Variants in PTPN2 observed in about 807,000 individuals in gnomAD.
PTPN2 encodes tyrosine-protein phosphatase non-receptor type 2.
PTPN2 carries 19 observed loss-of-function variants against 57.3 expected under a neutral mutation model. The ratio of observed to expected loss-of-function variants is 0.33; its 90% CI spans 0.23 to 0.49. The LOEUF is 0.49. PTPN2 is among the 20% of genes least tolerant of loss of function. The pLI is 0.99. For missense variants in PTPN2, 358 were observed against 501.1 expected, an observed-to-expected ratio of 0.71 and a Z score of 2.73; for synonymous variants, 153 against 164.9, an observed-to-expected ratio of 0.93 and a Z score of 0.55.
At chr18:12,806,033 T>A (rs911784434) in intron 7 of PTPN2, among the ~76,000 whole-genome samples, 1 of 152,118 alleles carries the variant, frequency 6.6e-6, no homozygotes, top group Admixed American at 6.5e-5. Flanking sequence ...GAAGTCAAAT[T>A]GTCTCTGTTT....
chr18:12,845,455 C>T (rs2043178715), intron 2 of PTPN2, among the ~76,000 whole-genome samples: 2 of 152,092 alleles, frequency 1.3e-5, no homozygotes, highest in Non-Finnish European at 2.9e-5. Context: ...CAACTGTAAA[C>T]AACAATGTGT....
At chr18:12,806,035 TC>T (rs1361042843) in intron 7 of PTPN2, among the ~76,000 whole-genome samples, 2 of 152,032 alleles carry the variant, frequency 1.3e-5, no homozygotes, top group African/African-American at 4.8e-5. Context: ...AGTCAAATTG[TC>T]TCTGTTTGCA....
At chr18:12,880,117 C>T (rs1337730960) in intron 1 of PTPN2, among the ~76,000 whole-genome samples, 2 of 152,068 alleles carry the variant, frequency 1.3e-5, no homozygotes, top group Non-Finnish European at 2.9e-5. Flanking sequence ...GAAGGCCTGC[C>T]AAGGAAGTGA....
chr18:12,817,360 A>G lies in PTPN2; in HGVS notation c.501T>C (p.Gly167=). 6.2e-7 allele frequency: 1 copy of G among 1,612,656 alleles called. No homozygotes were observed. Among genetic ancestry groups the G allele is most frequent in the Non-Finnish European group, 8.5e-7 (1 of 1,178,834 alleles). The part of the protein sequence containing the change: ...HLLQLENINS[G]ETRTISHFHY... ...GAAAGTGAGATATTGTTCTGGTTTC[A>G]CCACTCTAAAAAGTGAAAATCAAGG... The change falls in exon 6 of 9, where the codon GGT becomes GGC. Residue 167 remains glycine, a synonymous_variant. Transcript: ENST00000309660.
At chr18:12,871,668 A>G (rs1323330611) in intron 1 of PTPN2, among the ~76,000 whole-genome samples, 2 of 152,180 alleles carry the variant, frequency 1.3e-5, no homozygotes, top group African/African-American at 4.8e-5. Flanking sequence ...GTTGATTACA[A>G]AAAATTTTCT....
chr18:12,870,542 T>C (rs1360637107), intron 1 of PTPN2, among the ~76,000 whole-genome samples: 1 of 121,170 alleles, frequency 8.3e-6, no homozygotes, highest in Non-Finnish European at 1.6e-5. Flanking sequence ...AGAGTTTCAC[T>C]CTGTTGCCCA....
At chr18:12,799,244 C>T (rs1042185891) in intron 8 of PTPN2, among the ~76,000 whole-genome samples, 7 of 151,970 alleles carry the variant, frequency 4.6e-5, no homozygotes, top group African/African-American at 1.7e-4. Flanking sequence ...TGGTGAAACC[C>T]TGCCTCTACT....
At chr18:12,811,457 G>A (rs766085689) in intron 7 of PTPN2, among the ~76,000 whole-genome samples, 4 of 151,940 alleles carry the variant, frequency 2.6e-5, no homozygotes, top group Non-Finnish European at 5.9e-5. Flanking sequence ...TTCAGAATAC[G>A]TCAACAAGGA....
At chr18:12,815,822 T>C (rs112632119) in intron 6 of PTPN2, among the ~76,000 whole-genome samples, 7 of 152,314 alleles carry the variant, frequency 4.6e-5, no homozygotes, top group African/African-American at 1.7e-4. Flanking sequence ...TATCACTCCA[T>C]TGATCAAGCT....
intron 1 of PTPN2, among the ~76,000 whole-genome samples, chr18:12,859,584 CTCTAT>C (rs1423241560): frequency 6.6e-6 from 1 of 152,152 alleles, no homozygotes; most frequent in Non-Finnish European, 1.5e-5. Context: ...GCTAATTAGG[CTCTAT>C]TCAACACCTA....
intron 2 of PTPN2, among the ~76,000 whole-genome samples, chr18:12,844,733 G>A (rs1598836709): frequency 6.6e-6 from 1 of 152,112 alleles, no homozygotes. Flanking sequence ...GTGTTTTGAG[G>A]AGCAGAAGTT....
intron 3 of PTPN2, among the ~76,000 whole-genome samples, chr18:12,834,504 A>T (rs1367847120): frequency 6.6e-6 from 1 of 152,196 alleles, no homozygotes; most frequent in Non-Finnish European, 1.5e-5. Context: ...ATAATGTAAA[A>T]TTCATAAAAT....
intron 2 of PTPN2, among the ~76,000 whole-genome samples, chr18:12,850,985 C>A (rs889395237): frequency 9.9e-5 from 15 of 152,088 alleles, no homozygotes; most frequent in Non-Finnish European, 2.1e-4. Context: ...GGTGATCCAC[C>A]CACCTAGGCC....
chr18:12,858,689 T>C (rs2043682500), intron 2 of PTPN2, among the ~76,000 whole-genome samples: 1 of 152,262 alleles, frequency 6.6e-6, no homozygotes, highest in South Asian at 2.1e-4. Flanking sequence ...CAAGTTATTA[T>C]TTATTTTTAA....
At chr18:12,816,821 GTATC>G (rs2042092631) in intron 6 of PTPN2, among the ~76,000 whole-genome samples, 1 of 152,110 alleles carries the variant, frequency 6.6e-6, no homozygotes, top group Non-Finnish European at 1.5e-5. Context: ...ATGAGATAAA[GTATC>G]TGTCTGAGGA....
At chr18:12,816,741 A>C (rs757249912) in intron 6 of PTPN2, among the ~76,000 whole-genome samples, 1 of 152,212 alleles carries the variant, frequency 6.6e-6, no homozygotes, top group Non-Finnish European at 1.5e-5. Context: ...TTAATGTATT[A>C]ATTCATTGAA....
At chr18:12,864,844 G>A (rs116753652) in intron 1 of PTPN2, among the ~76,000 whole-genome samples, 2,315 of 152,180 alleles carry the variant, frequency 0.015, 64 homozygotes, top group African/African-American at 0.053. Context: ...TTCTACTATA[G>A]AAATAATTTT....
chr18:12,804,948 A>C lies in PTPN2; in HGVS notation c.859-2797T>G, dbSNP rs544049505. Among the ~76,000 whole-genome samples the C allele has an allele frequency of 2.0e-5, 3 of 152,330 alleles. No homozygotes were observed. The South Asian group carries it at 6.2e-4, about 32-fold the overall frequency. On this transcript the variant is annotated intron_variant, in intron 7 of 8. Transcript: ENST00000309660. ...AAACTACAGGCCAATATCCTTGATGAATATGGATGCAAAAATCCTGAATGA... is the reference window on the plus strand; with the variant it reads ...AAACTACAGGCCAATATCCTTGATGCATATGGATGCAAAAATCCTGAATGA...
intron 1 of PTPN2, among the ~76,000 whole-genome samples, chr18:12,883,190 G>A (rs2044721481): frequency 6.6e-6 from 1 of 152,318 alleles, no homozygotes; most frequent in Admixed American, 6.5e-5. Flanking sequence ...TGCAAGAGGG[G>A]ATTCATTTGT....
Sources: allele counts gnomAD v4.1 joint callset (sites outside exome capture counted in the v4.1 genomes callset), GRCh38; gene constraint gnomAD v4.1.1; transcripts MANE v1.5; gene names NCBI Gene and HGNC (gene_info 2026-07-23, HGNC 2026-07-21).